HS6ST3: variants seen among roughly 807,000 people sequenced by gnomAD.
HS6ST3 encodes heparan-sulfate 6-O-sulfotransferase 3.
In HS6ST3, 12 loss-of-function variants were observed where a neutral mutation model predicts 36.7. The ratio of observed to expected loss-of-function variants is 0.33; its 90% CI spans 0.21 to 0.53. The LOEUF is 0.53. Among genes scored for constraint, HS6ST3 ranks in the 20% least tolerant of loss-of-function variants. HS6ST3 has a pLI of 0.95. For synonymous variants in HS6ST3, 240 were observed against 257.5 expected (o/e 0.93, Z 0.65); for missense variants, 584 against 640.9 (o/e 0.91, Z 0.96).
intron 1 of HS6ST3, among the ~76,000 whole-genome samples, chr13:96,466,296 T>A (rs1412435414): frequency 1.3e-5 from 2 of 150,762 alleles, no homozygotes; most frequent in Non-Finnish European, 3.0e-5. Flanking sequence ...AAAAAAAACA[T>A]CTACTATCTT....
intron 1 of HS6ST3, among the ~76,000 whole-genome samples, chr13:96,127,663 G>A (rs1429643982): frequency 1.3e-5 from 2 of 152,144 alleles, no homozygotes; most frequent in Non-Finnish European, 2.9e-5. Flanking sequence ...TGCCTTTTCT[G>A]TCTTTCTAAA....
At chr13:96,805,359 T>G (rs116697975) in intron 1 of HS6ST3, among the ~76,000 whole-genome samples, 5,982 of 152,262 alleles carry the variant, frequency 0.039, 385 homozygotes, top group African/African-American at 0.13. Flanking sequence ...CCGTGTAAGA[T>G]GTACCCTGCT....
chr13:96,663,184 C>A (rs2056652428), intron 1 of HS6ST3, among the ~76,000 whole-genome samples: 1 of 152,108 alleles, frequency 6.6e-6, no homozygotes, highest in African/African-American at 2.4e-5. Flanking sequence ...GGAGTCTGCA[C>A]CAGCTTCATG....
At chr13:96,190,903 A>G (rs1046916049) in intron 1 of HS6ST3, among the ~76,000 whole-genome samples, 5 of 148,798 alleles carry the variant, frequency 3.4e-5, no homozygotes, top group African/African-American at 1.3e-4. Flanking sequence ...GAAGAGGGCC[A>G]GTGGGGCTGA....
intron 1 of HS6ST3, among the ~76,000 whole-genome samples, chr13:96,825,660 T>C (rs542728719): frequency 3.9e-5 from 6 of 152,300 alleles, no homozygotes; most frequent in African/African-American, 1.4e-4. Flanking sequence ...CTTTCTAAAT[T>C]AACACTTTCA....
intron 1 of HS6ST3, among the ~76,000 whole-genome samples, chr13:96,524,825 G>C (rs1482212577): frequency 2.0e-5 from 3 of 152,194 alleles, no homozygotes; most frequent in African/African-American, 7.2e-5. Flanking sequence ...ATGAGGCAAC[G>C]CTCTGCCCTG....
intron 1 of HS6ST3, among the ~76,000 whole-genome samples, chr13:96,332,797 A>T (rs544497338): frequency 6.6e-6 from 1 of 152,390 alleles, no homozygotes; most frequent in African/African-American, 2.4e-5. Flanking sequence ...CATCAGAAAC[A>T]CATAATACAT....
chr13:96,803,488 A>T (rs919037297), intron 1 of HS6ST3, among the ~76,000 whole-genome samples: 6 of 152,154 alleles, frequency 3.9e-5, no homozygotes, highest in Admixed American at 3.9e-4. Flanking sequence ...AATAGAAACC[A>T]TTAATCCTCA....
At chr13:96,632,549 A>G (rs1046272351) in intron 1 of HS6ST3, among the ~76,000 whole-genome samples, 40 of 152,192 alleles carry the variant, frequency 2.6e-4, no homozygotes, top group African/African-American at 9.2e-4. Context: ...ATGCTGTTGC[A>G]GAGAAGTTCC....
intron 1 of HS6ST3, among the ~76,000 whole-genome samples, chr13:96,390,798 C>T (rs1422268500): frequency 6.6e-6 from 1 of 152,136 alleles, no homozygotes; most frequent in Non-Finnish European, 1.5e-5. Flanking sequence ...TGGGTAGATG[C>T]TTGCTGCAGC....
intron 1 of HS6ST3, among the ~76,000 whole-genome samples, chr13:96,434,342 G>T (rs191775540): frequency 1.3e-5 from 2 of 152,216 alleles, no homozygotes. Flanking sequence ...ACACTCTCCA[G>T]GATATTTTCT....
chr13:96,200,647 C>A (rs371492709), intron 1 of HS6ST3, among the ~76,000 whole-genome samples: 5 of 152,066 alleles, frequency 3.3e-5, no homozygotes, highest in East Asian at 3.9e-4. Flanking sequence ...TTTGTTATAT[C>A]TGTTGCTTTT....
intron 1 of HS6ST3, among the ~76,000 whole-genome samples, chr13:96,420,876 G>C (rs1474334960): frequency 6.6e-6 from 1 of 152,188 alleles, no homozygotes; most frequent in Non-Finnish European, 1.5e-5. Flanking sequence ...GAGTTCACGT[G>C]GTTAGTGAAT....
At chr13:96,170,890 C>T (rs1202846858) in intron 1 of HS6ST3, among the ~76,000 whole-genome samples, 2 of 152,196 alleles carry the variant, frequency 1.3e-5, no homozygotes, top group Non-Finnish European at 1.5e-5. Flanking sequence ...GTAGGAATGC[C>T]AGATCAAGGG....
At position 96,320,150 on chromosome 13, in the gene HS6ST3, G is replaced by A. The variant is rs1305258325; in HGVS notation, c.707+228581G>A. ...GGAGAGTTCATGTGCAGCTTCATCT[G>A]GAATTCTCCTCTTTTTTTTGTCCTG... is the stretch of plus-strand genomic sequence containing the variant. On this transcript the variant is annotated intron_variant, in intron 1 of 1. Coordinates refer to ENST00000376705, the MANE Select transcript of HS6ST3 (RefSeq NM_153456.4). Among the ~76,000 whole-genome samples, 7 of 152,106 alleles carry A rather than the reference G, an allele frequency of 4.6e-5. No homozygotes were observed. In the East Asian group the frequency reaches 1.2e-3, roughly 25 times the overall value.
chr13:96,533,357 A>G (rs1303446567), intron 1 of HS6ST3, among the ~76,000 whole-genome samples: 1 of 152,192 alleles, frequency 6.6e-6, no homozygotes, highest in African/African-American at 2.4e-5. Flanking sequence ...ATGATCCTGT[A>G]TGTTATTGAC....
At chr13:96,290,084 G>C (rs2054822316) in intron 1 of HS6ST3, among the ~76,000 whole-genome samples, 1 of 152,100 alleles carries the variant, frequency 6.6e-6, no homozygotes, top group Non-Finnish European at 1.5e-5. Flanking sequence ...TCTGTATCTT[G>C]TTTCCTGTTG....
intron 1 of HS6ST3, among the ~76,000 whole-genome samples, chr13:96,590,020 T>G (rs1022149252): frequency 6.6e-6 from 1 of 152,170 alleles, no homozygotes; most frequent in Non-Finnish European, 1.5e-5. Flanking sequence ...CAGGATCTCA[T>G]TTTTTATGGC....
At chr13:96,330,965 T>C (rs1189761038) in intron 1 of HS6ST3, among the ~76,000 whole-genome samples, 1 of 152,010 alleles carries the variant, frequency 6.6e-6, no homozygotes, top group African/African-American at 2.4e-5. Flanking sequence ...TTTCTTCCAG[T>C]TGATCGCATC....
Sources: gnomAD v4.1 joint callset for allele counts (sites outside exome capture counted in the v4.1 genomes callset) on GRCh38, gnomAD v4.1.1 for gene constraint, MANE v1.5 for transcripts, NCBI Gene and HGNC (gene_info 2026-07-23, HGNC 2026-07-21) for gene names.